PPP1R21: variants seen among roughly 807,000 people sequenced by gnomAD.
PPP1R21 encodes the protein protein phosphatase 1 regulatory subunit 21.
In PPP1R21, 85 loss-of-function variants were observed where a neutral mutation model predicts 112.8. The observed-to-expected ratio is 0.75, with a 90% CI of 0.63 to 0.90. PPP1R21 has a LOEUF of 0.90. PPP1R21 is among the 40% of genes least tolerant of loss of function. The pLI is 0.00. For synonymous variants in PPP1R21, 381 were observed against 322.3 expected, an observed-to-expected ratio of 1.18 and a Z score of -1.95; for missense variants, 1,199 against 901.5, an observed-to-expected ratio of 1.33 and a Z score of -4.23.
At chr2:48,502,394 TAGAA>T (rs1670157698) in intron 17 of PPP1R21, among the ~76,000 whole-genome samples, 1 of 148,044 alleles carries the variant, frequency 6.8e-6, no homozygotes, top group Non-Finnish European at 1.5e-5. Context: ...CAGTGCACAA[TAGAA>T]ATAAAAAGAG....
chr2:48,500,911 C>CA (rs201952981), intron 17 of PPP1R21, among the ~76,000 whole-genome samples: 17,732 of 151,054 alleles, frequency 0.12, 1,130 homozygotes, highest in Middle Eastern at 0.19. Context: ...TCTGTCTCTA[C>CA]AAAAAAAAAC....
intron 4 of PPP1R21, among the ~76,000 whole-genome samples, chr2:48,459,091 CA>C (rs747369228): frequency 0.064 from 3,537 of 55,208 alleles, 15 homozygotes; most frequent in South Asian, 0.094. Context: ...GACTCTGTCT[CA>C]AAAAAAAAAA....
At chr2:48,509,784 G>C (rs756762427) in intron 19 of PPP1R21, among the ~76,000 whole-genome samples, 11 of 152,126 alleles carry the variant, frequency 7.2e-5, no homozygotes, top group Non-Finnish European at 1.3e-4. Context: ...AAAAAACATT[G>C]ATCTTAAGTT....
At chr2:48,449,934 T>C (rs907226912) in intron 1 of PPP1R21, among the ~76,000 whole-genome samples, 1 of 152,204 alleles carries the variant, frequency 6.6e-6, no homozygotes, top group African/African-American at 2.4e-5. Flanking sequence ...CTGTGTTCTC[T>C]TCACTGAGAA....
At chr2:48,507,937 TG>T (rs1255585594) in intron 19 of PPP1R21, among the ~76,000 whole-genome samples, 2 of 151,550 alleles carry the variant, frequency 1.3e-5, no homozygotes, top group African/African-American at 4.9e-5. Flanking sequence ...GGCTAATTTT[TG>T]TATTTTTGTA....
intron 8 of PPP1R21, 59 bp downstream of exon 8, chr2:48,465,048 A>G: frequency 7.3e-7 from 1 of 1,370,992 alleles, no homozygotes; most frequent in Non-Finnish European, 1.0e-6. Context: ...CTTTCCAGAA[A>G]CAAGAATTAG....
chr2:48,489,093 T>C (rs954966660), intron 14 of PPP1R21, among the ~76,000 whole-genome samples: 1 of 152,234 alleles, frequency 6.6e-6, no homozygotes, highest in Non-Finnish European at 1.5e-5. Flanking sequence ...CATTAGTGAT[T>C]AACTTTTGAC....
intron 2 of PPP1R21, among the ~76,000 whole-genome samples, chr2:48,452,441 A>G (rs146061331): frequency 6.6e-6 from 1 of 152,184 alleles, no homozygotes; most frequent in African/African-American, 2.4e-5. Context: ...GCTGGGATAG[A>G]TGTTTTCTGA....
intron 4 of PPP1R21, among the ~76,000 whole-genome samples, chr2:48,459,169 ATGG>A (rs1168400248): frequency 6.8e-6 from 1 of 147,926 alleles, no homozygotes; most frequent in African/African-American, 2.5e-5. Flanking sequence ...TTTTGGTCAA[ATGG>A]TAGGAAACAC....
Position 48,458,185 on chromosome 2 carries a change from T to C in PPP1R21, c.333T>C (p.Asp111=), listed in dbSNP as rs1667808458. ...SQEQKSVFDE[D]LQKKIEENER... is the part of the protein sequence containing the mutation. ...AGCAGAAGAGTGTCTTTGATGAAGA[T>C]CTGCAAAAGAAGATAGAAGAGAATG... The change falls in exon 4 of 22, where the codon GAT becomes GAC. Residue 111 remains aspartate, a synonymous_variant. Coordinates refer to ENST00000294952, the MANE Select transcript of PPP1R21 (RefSeq NM_001135629.3). 6.2e-7 allele frequency: 1 copy of C among 1,612,594 alleles called. No homozygotes were observed. The highest frequency in any genetic ancestry group is 1.1e-5 in the South Asian group (1 of 91,002).
chr2:48,481,860 C>T (rs1448659550), intron 13 of PPP1R21, among the ~76,000 whole-genome samples: 1 of 152,152 alleles, frequency 6.6e-6, no homozygotes, highest in African/African-American at 2.4e-5. Flanking sequence ...GAAAATTCCG[C>T]ACTTGCCCTC....
chr2:48,504,642 GAAAC>G (rs71399059), intron 17 of PPP1R21, among the ~76,000 whole-genome samples: 12,772 of 151,160 alleles, frequency 0.084, 702 homozygotes, highest in Non-Finnish European at 0.12. Context: ...CTCTGTCTCA[GAAAC>G]AAACAAACAA....
intron 11 of PPP1R21, among the ~76,000 whole-genome samples, chr2:48,473,597 T>C (rs1334183220): frequency 6.6e-6 from 1 of 152,242 alleles, no homozygotes; most frequent in Non-Finnish European, 1.5e-5. Context: ...AAATACCACT[T>C]TAATTGACAA....
intron 1 of PPP1R21, among the ~76,000 whole-genome samples, chr2:48,442,921 C>A (rs1319008827): frequency 6.6e-6 from 1 of 151,956 alleles, no homozygotes; most frequent in Non-Finnish European, 1.5e-5. Context: ...AGTGACATTA[C>A]TTTTAGGAAG....
chr2:48,469,552 T>TAGAGAGAGAGAGAGCATATATATATAG (rs1668413726), intron 9 of PPP1R21, among the ~76,000 whole-genome samples: 4 of 106,900 alleles, frequency 3.7e-5, no homozygotes, highest in Non-Finnish European at 5.6e-5. Flanking sequence ...TATATATATA[T>TAGAGAGAGAGAGAGCATATATATATAG]AGAGAGAGAG....
chr2:48,507,278 G>A lies in PPP1R21; in HGVS notation c.1978G>A (p.Val660Met), dbSNP rs757883077. The A allele has an allele frequency of 3.9e-6, 6 of 1,547,450 alleles. No homozygotes were observed. The African/African-American group carries it at 7.1e-5, about 18-fold the overall frequency. The change falls in exon 19 of 22, where the codon GTG becomes ATG. Residue 660 changes from valine to methionine, a missense_variant. Transcript: ENST00000294952. ...TTTGTGTTCTATTTAGGTTCCAGATGTGGAATCTCGTGAAGACTTAATTAA... is the reference window on the plus strand; with the variant it reads ...TTTGTGTTCTATTTAGGTTCCAGATATGGAATCTCGTGAAGACTTAATTAA... The part of the protein sequence containing the change: ...TRTSDSEVPD[V>M]ESREDLIKNH...
chr2:48,508,078 TAAA>T (rs1189438492), intron 19 of PPP1R21, among the ~76,000 whole-genome samples: 2 of 139,780 alleles, frequency 1.4e-5, no homozygotes, highest in Non-Finnish European at 1.6e-5. Flanking sequence ...ACTCTGCCTT[TAAA>T]AAAAAAAAAA....
At chr2:48,485,118 C>G (rs1441046525) in intron 13 of PPP1R21, among the ~76,000 whole-genome samples, 1 of 152,054 alleles carries the variant, frequency 6.6e-6, no homozygotes, top group Non-Finnish European at 1.5e-5. Context: ...ATGGAGATTT[C>G]TCTCATTTTT....
At chr2:48,492,024 T>C (rs1669589374) in intron 15 of PPP1R21, among the ~76,000 whole-genome samples, 1 of 152,212 alleles carries the variant, frequency 6.6e-6, no homozygotes, top group Admixed American at 6.5e-5. Context: ...CTGGTAGATA[T>C]TTAAGTTGTT....
Sources: allele counts gnomAD v4.1 joint callset (sites outside exome capture counted in the v4.1 genomes callset), GRCh38; gene constraint gnomAD v4.1.1; transcripts MANE v1.5; gene names NCBI Gene and HGNC (gene_info 2026-07-23, HGNC 2026-07-21).